Variants in SHANK2 observed in about 807,000 individuals in gnomAD.
SHANK2 encodes the protein SH3 and multiple ankyrin repeat domains 2, also known as SH3 and multiple ankyrin repeat domains protein 2.
In SHANK2, 43 loss-of-function variants were observed where a neutral mutation model predicts 133.7. The ratio of observed to expected loss-of-function variants is 0.32; its 90% CI spans 0.25 to 0.41. SHANK2 has a LOEUF of 0.41. Ranked by LOEUF, SHANK2 falls within the 10% of genes least tolerant of loss-of-function variation. The probability of loss-of-function intolerance (pLI) is 1.00; values close to 1 mark genes in which losing one functional copy is unlikely to be tolerated. For synonymous variants in SHANK2, 1,017 were observed against 952.8 expected, an observed-to-expected ratio of 1.07 and a Z score of -1.24; for missense variants, 1,994 against 2,235.8, an observed-to-expected ratio of 0.89 and a Z score of 2.18.
rs568945379 is a variant in SHANK2 at position 70,745,133 on chromosome 11, C to T, written c.1778-46370G>A. ...CCCAATTTCTACCCGACCTCCAACT[C>T]AGGGTCAACCAGAGAAAGCCAAATC... On this transcript the variant is annotated intron_variant, in intron 14 of 25. Coordinates refer to ENST00000601538, the MANE Select transcript of SHANK2 (RefSeq NM_012309.5). 1.2e-4 allele frequency among the ~76,000 whole-genome samples: 18 copies of T among 152,356 alleles called. No homozygotes were observed. In the South Asian group the frequency reaches 3.7e-3, roughly 32 times the overall value.
intron 14 of SHANK2, among the ~76,000 whole-genome samples, chr11:70,766,918 T>G (rs1181587829): frequency 6.6e-6 from 1 of 152,252 alleles, no homozygotes; most frequent in Non-Finnish European, 1.5e-5. Context: ...CACGGAATTC[T>G]AAATCTGTTT....
At chr11:70,592,448 C>T (rs148068225) in intron 17 of SHANK2, among the ~76,000 whole-genome samples, 26 of 152,126 alleles carry the variant, frequency 1.7e-4, no homozygotes, top group Non-Finnish European at 3.7e-4. Context: ...CAATCTGATG[C>T]AGCCAACACA....
intron 17 of SHANK2, among the ~76,000 whole-genome samples, chr11:70,560,152 G>A (rs999745788): frequency 2.6e-5 from 4 of 152,140 alleles, no homozygotes; most frequent in East Asian, 1.9e-4. Flanking sequence ...GATTACAGGC[G>A]TGAGCCACCG....
chr11:70,913,235 A>T lies in SHANK2; in HGVS notation c.1108-16668T>A, dbSNP rs1950221756. Among the ~76,000 whole-genome samples the T allele has an allele frequency of 2.0e-5, 3 of 152,142 alleles. No homozygotes were observed. The East Asian group carries it at 5.8e-4, about 29-fold the overall frequency. ...AAGAAGAAACTTATTATATAAAGAGATTTGTTTTCCTTCTTTTCCTTCATT... is the reference window on the plus strand; with the variant it reads ...AAGAAGAAACTTATTATATAAAGAGTTTTGTTTTCCTTCTTTTCCTTCATT... On this transcript the variant is annotated intron_variant, in intron 10 of 25. Coordinates refer to ENST00000601538, the MANE Select transcript of SHANK2 (RefSeq NM_012309.5).
chr11:70,697,706 G>A (rs1449787898), intron 15 of SHANK2, among the ~76,000 whole-genome samples: 1 of 152,174 alleles, frequency 6.6e-6, no homozygotes, highest in African/African-American at 2.4e-5. Flanking sequence ...TCTAAGAGTC[G>A]AGTGCAGGGG....
intron 2 of SHANK2, among the ~76,000 whole-genome samples, chr11:71,155,635 G>A (rs1406212786): frequency 6.6e-6 from 1 of 151,916 alleles, no homozygotes; most frequent in East Asian, 1.9e-4. Flanking sequence ...TCTTCCAGCA[G>A]TCTTGCCTAG....
At chr11:70,940,237 C>CTCTT (rs150830140) in intron 10 of SHANK2, among the ~76,000 whole-genome samples, 32,363 of 114,486 alleles carry the variant, frequency 0.28, 7,554 homozygotes, top group African/African-American at 0.68. Context: ...CTCCCTTCTT[C>CTCTT]TCTCTCTCTC....
chr11:70,826,693 A>T, intron 11 of SHANK2: 1 of 357,330 alleles, frequency 2.8e-6, no homozygotes, highest in Non-Finnish European at 5.7e-6. Context: ...GACAAAGCCC[A>T]CCCCATATTC....
chr11:70,670,096 CAG>C (rs1347485865), intron 15 of SHANK2, among the ~76,000 whole-genome samples: 2 of 152,222 alleles, frequency 1.3e-5, no homozygotes, highest in Non-Finnish European at 2.9e-5. Flanking sequence ...GGACTCCCCA[CAG>C]AGAGACTGGG....
At chr11:70,600,190 G>A (rs1361625024) in intron 17 of SHANK2, among the ~76,000 whole-genome samples, 1 of 151,988 alleles carries the variant, frequency 6.6e-6, no homozygotes, top group East Asian at 1.9e-4. Context: ...AGGCTGAGGC[G>A]GGTGGATCAC....
At chr11:70,588,407 G>A (rs2136256407) in intron 17 of SHANK2, among the ~76,000 whole-genome samples, 1 of 152,310 alleles carries the variant, frequency 6.6e-6, no homozygotes, top group Admixed American at 6.5e-5. Context: ...GTTTAGCCAA[G>A]CTGTGAATAC....
At chr11:70,614,025 A>C (rs113091178) in intron 17 of SHANK2, among the ~76,000 whole-genome samples, 29,362 of 152,094 alleles carry the variant, frequency 0.19, 3,011 homozygotes, top group South Asian at 0.34. Context: ...TCTGCCTCCC[A>C]AAGTGCTGGG....
intron 12 of SHANK2, among the ~76,000 whole-genome samples, chr11:70,818,973 G>C (rs1250837699): frequency 1.3e-5 from 2 of 152,220 alleles, no homozygotes; most frequent in Non-Finnish European, 2.9e-5. Flanking sequence ...GGCAGGGGTG[G>C]TGGCGGTCTT....
intron 17 of SHANK2, among the ~76,000 whole-genome samples, chr11:70,544,833 G>A (rs1318126825): frequency 6.6e-6 from 1 of 152,250 alleles, no homozygotes; most frequent in Non-Finnish European, 1.5e-5. Context: ...CACCGGGGCT[G>A]TCCTGGGCAA....
intron 17 of SHANK2, 98 bp from the exon 18 acceptor site, chr11:70,503,029 G>A: frequency 7.2e-7 from 1 of 1,385,746 alleles, no homozygotes; most frequent in East Asian, 2.3e-5. Context: ...CCTAAAAAGG[G>A]GGCAAATGCA....
chr11:70,935,662 C>T (rs782062607), intron 10 of SHANK2, among the ~76,000 whole-genome samples: 27 of 152,128 alleles, frequency 1.8e-4, no homozygotes, highest in Non-Finnish European at 3.8e-4. Flanking sequence ...GCAAACACAT[C>T]TACCATGTGC....
At chr11:70,777,343 C>A (rs1555044133) in intron 14 of SHANK2, among the ~76,000 whole-genome samples, 2 of 151,624 alleles carry the variant, frequency 1.3e-5, no homozygotes, top group African/African-American at 4.9e-5. Flanking sequence ...TTCTACCTAC[C>A]CATCCATTTA....
chr11:71,226,840 C>A (rs910813706), intron 1 of SHANK2, among the ~76,000 whole-genome samples: 13 of 151,962 alleles, frequency 8.6e-5, no homozygotes, highest in Admixed American at 8.5e-4. Flanking sequence ...GTATGGTAAG[C>A]AAAATGTTTG....
intron 11 of SHANK2, among the ~76,000 whole-genome samples, chr11:70,832,457 T>C (rs1948739617): frequency 1.3e-5 from 2 of 152,160 alleles, no homozygotes; most frequent in African/African-American, 4.8e-5. Context: ...CCTTGGGGCA[T>C]GTTGTGGAGC....
Sources: allele counts gnomAD v4.1 joint callset (sites outside exome capture counted in the v4.1 genomes callset), GRCh38; gene constraint gnomAD v4.1.1; transcripts MANE v1.5; gene names NCBI Gene and HGNC (gene_info 2026-07-23, HGNC 2026-07-21).